PCDHGA7: variants seen among roughly 807,000 people sequenced by gnomAD.
PCDHGA7 encodes the protein protocadherin gamma subfamily A, 7.
Under a neutral mutation model 58.3 loss-of-function variants are expected in PCDHGA7, and 44 were observed. The ratio of observed to expected loss-of-function variants is 0.75; its 90% CI spans 0.59 to 0.97. The LOEUF is 0.97. PCDHGA7 is among the 50% of genes least tolerant of loss of function. PCDHGA7 has a pLI of 0.00. For synonymous variants in PCDHGA7, 516 were observed against 504.2 expected, an observed-to-expected ratio of 1.02 and a Z score of -0.31; for missense variants, 1,266 against 1,188.7, an observed-to-expected ratio of 1.06 and a Z score of -0.96.
chr5:141,390,275 C>G, intron 1 of PCDHGA7: 1 of 1,613,976 alleles, frequency 6.2e-7, no homozygotes, highest in Non-Finnish European at 8.5e-7. Context: ...AATTGACTTC[C>G]CATCAGGTGA....
At chr5:141,409,942 C>T (rs1168442761) in intron 1 of PCDHGA7, 4 of 1,613,284 alleles carry the variant, frequency 2.5e-6, no homozygotes, top group South Asian at 1.1e-5. Flanking sequence ...TGGTACCTCG[C>T]TCTGCAGAGC....
rs369794418 is a variant in PCDHGA7, at chr5:141,497,143, G to A, written c.2483+2278G>A. Among the ~76,000 whole-genome samples the A allele has an allele frequency of 7.3e-5, 11 of 150,108 alleles. No individual in the cohort carries two copies. In the East Asian group the frequency reaches 1.6e-3, roughly 21 times the overall value. On this transcript the variant is annotated intron_variant, in intron 2 of 3. Coordinates refer to ENST00000518325, the MANE Select transcript of PCDHGA7 (RefSeq NM_018920.4). ...AGAGGTTGCAGTGAGCTGAGATCAC[G>A]AAAAAAAAATAATCTAGCCACAAAT...
chr5:141,395,114 C>T (rs2093175908), intron 1 of PCDHGA7: 2 of 1,614,070 alleles, frequency 1.2e-6, no homozygotes, highest in African/African-American at 1.3e-5. Context: ...GGAAGAGTCA[C>T]CTGATCTTTC....
intron 1 of PCDHGA7, chr5:141,389,933 G>T: frequency 1.9e-6 from 3 of 1,614,068 alleles, no homozygotes; most frequent in Non-Finnish European, 2.5e-6. Context: ...CTGACCTCCA[G>T]GCTGAGCTGC....
Position 141,383,554 on chromosome 5 carries a change from G to A in PCDHGA7, c.655G>A (p.Asp219Asn), listed in dbSNP as rs773842723. 3 of 1,612,524 alleles carry A rather than the reference G, an allele frequency of 1.9e-6. No homozygotes were observed. The highest frequency in any genetic ancestry group is 2.5e-6 in the Non-Finnish European group (3 of 1,179,438). ...GGTCCTCACAGCCTCTGATGGCGGC[G>A]ACCCGCCCCGATCCAGCACCGCCCA... The part of the protein sequence containing the change: ...HLVLTASDGG[D>N]PPRSSTAHIQ... The change falls in exon 1 of 4, where the codon GAC (aspartate) becomes AAC (asparagine). Residue 219 changes from aspartate (D) to asparagine (N), a missense_variant. Physicochemically the swap from Asp to Asn is conservative, Grantham distance 23 (BLOSUM62 1). Transcript: ENST00000518325.
chr5:141,390,322 C>G, intron 1 of PCDHGA7: 1 of 1,606,310 alleles, frequency 6.2e-7, no homozygotes, highest in South Asian at 1.1e-5. Context: ...CATTGCCTAC[C>G]CATTTCTCCA....
At chr5:141,414,681 G>T (rs780836649) in intron 1 of PCDHGA7, 2 of 1,613,836 alleles carry the variant, frequency 1.2e-6, no homozygotes, top group Non-Finnish European at 8.5e-7. Flanking sequence ...CCATCCAGGG[G>T]GTACCTCTGT....
chr5:141,407,143 A>G (rs2154538062), intron 1 of PCDHGA7, among the ~76,000 whole-genome samples: 1 of 152,360 alleles, frequency 6.6e-6, no homozygotes, highest in East Asian at 1.9e-4. Flanking sequence ...AAGAAAAAAA[A>G]GCTGAAGTGT....
chr5:141,414,828 G>T (rs780047810), intron 1 of PCDHGA7: 1 of 1,614,210 alleles, frequency 6.2e-7, no homozygotes, highest in East Asian at 2.2e-5. Context: ...GCAACGTGTC[G>T]TTGAGCCTGT....
intron 1 of PCDHGA7, chr5:141,478,291 C>T: frequency 1.9e-6 from 3 of 1,614,144 alleles, no homozygotes; most frequent in East Asian, 2.2e-5. Context: ...AGTCTAGAGA[C>T]CTATACCGAG....
At position 141,408,409 on chromosome 5, in the gene PCDHGA7, C is replaced by G. The variant is rs780778580; in HGVS notation, c.2424+23086C>G. On this transcript the variant is annotated intron_variant, in intron 1 of 3. Coordinates refer to ENST00000518325, the MANE Select transcript of PCDHGA7 (RefSeq NM_018920.4). ...TGTCGGCTCGCAAGCTGCGAGTGAGCGCGGAGAAGCTGCACTTCAGCGTAG... is the reference window on the plus strand; with the variant it reads ...TGTCGGCTCGCAAGCTGCGAGTGAGGGCGGAGAAGCTGCACTTCAGCGTAG... 3.1e-6 allele frequency: 5 copies of G among 1,613,884 alleles called. No individual in the cohort carries two copies. In the East Asian group the frequency reaches 1.1e-4, roughly 36 times the overall value.
At chr5:141,424,092 C>G (rs1160250641) in intron 1 of PCDHGA7, 2 of 879,256 alleles carry the variant, frequency 2.3e-6, no homozygotes, top group Non-Finnish European at 2.8e-6. Context: ...CCATTATTTG[C>G]TATTACTGCT....
At chr5:141,441,782 G>T in intron 1 of PCDHGA7, 1 of 391,086 alleles carries the variant, frequency 2.6e-6, no homozygotes, top group East Asian at 8.8e-5. Context: ...TGGACGACCT[G>T]AATGACAACG....
chr5:141,414,289 C>T (rs1435700383), intron 1 of PCDHGA7: 1 of 1,613,394 alleles, frequency 6.2e-7, no homozygotes, highest in African/African-American at 1.3e-5. Flanking sequence ...AGTCGTAGCC[C>T]TTTTAAATGT....
chr5:141,465,532 C>T (rs1175698109), intron 1 of PCDHGA7, among the ~76,000 whole-genome samples: 1 of 152,138 alleles, frequency 6.6e-6, no homozygotes, highest in Non-Finnish European at 1.5e-5. Flanking sequence ...GGAAGTTTTC[C>T]CAGGCATTTT....
chr5:141,496,876 A>G (rs964149656), intron 2 of PCDHGA7, among the ~76,000 whole-genome samples: 1 of 149,154 alleles, frequency 6.7e-6, no homozygotes, highest in African/African-American at 2.5e-5. Flanking sequence ...AAAATTTGCA[A>G]CAAGTAACAC....
In PCDHGA7 at chr5:141,432,700, G is replaced by C. The variant is rs1320099367; in HGVS notation, c.2424+47377G>C. 4 of 1,613,980 alleles carry C rather than the reference G, an allele frequency of 2.5e-6. No individual in the cohort carries two copies. In the Admixed American group the frequency reaches 6.7e-5, roughly 27 times the overall value. ...AGCAGAGCCTCGTAGTGGCCGTCCA[G>C]GACCACGGCCAGCCCCCTCTCTCCG... On this transcript the variant is annotated intron_variant, in intron 1 of 3. Coordinates refer to ENST00000518325, the MANE Select transcript of PCDHGA7 (RefSeq NM_018920.4). The surrounding 1 kb of genome is among the most constrained non-coding windows in gnomAD (Gnocchi z 6.0).
At chr5:141,454,316 A>G (rs887472165) in intron 1 of PCDHGA7, among the ~76,000 whole-genome samples, 4 of 152,188 alleles carry the variant, frequency 2.6e-5, no homozygotes, top group Non-Finnish European at 4.4e-5. Context: ...AAGCATTGAA[A>G]CCTCCAAGAA....
At chr5:141,502,398 C>T (rs1303456458) in intron 2 of PCDHGA7, among the ~76,000 whole-genome samples, 1 of 151,688 alleles carries the variant, frequency 6.6e-6, no homozygotes, top group Non-Finnish European at 1.5e-5. Flanking sequence ...TTAAAATGTC[C>T]CCGAACCTGG....
Sources: gnomAD v4.1 joint callset for allele counts (sites outside exome capture counted in the v4.1 genomes callset) on GRCh38, gnomAD v4.1.1 for gene constraint, Gnocchi (gnomAD v3.1) non-coding constraint, MANE v1.5 for transcripts, NCBI Gene and HGNC (gene_info 2026-07-23, HGNC 2026-07-21) for gene names.